Variants in MAP3K9 observed in about 807,000 individuals in gnomAD.
MAP3K9 encodes the protein mitogen-activated protein kinase kinase kinase 9.
Under a neutral mutation model 95.8 loss-of-function variants are expected in MAP3K9, and 46 were observed. That is an observed-to-expected ratio of 0.48 (90% CI 0.38 to 0.61). The LOEUF is 0.61. MAP3K9 is among the 20% of genes least tolerant of loss of function. The pLI is 0.00. For synonymous variants in MAP3K9, 533 were observed against 593.8 expected (o/e 0.90, Z 1.49); for missense variants, 1,296 against 1,474.3 (o/e 0.88, Z 1.98).
intron 1 of MAP3K9, among the ~76,000 whole-genome samples, chr14:70,808,484 A>T (rs778500353): frequency 1.1e-4 from 17 of 152,114 alleles, no homozygotes; most frequent in Non-Finnish European, 2.5e-4. Context: ...GCAAATTCTC[A>T]GACTGGGACT....
intron 5 of MAP3K9, among the ~76,000 whole-genome samples, chr14:70,747,237 T>C (rs1464218231): frequency 1.3e-5 from 2 of 152,354 alleles, no homozygotes; most frequent in South Asian, 2.1e-4. Flanking sequence ...CCATGGGTCA[T>C]GGGAGGGACC....
chr14:70,732,442 C>A (rs2053917798), intron 11 of MAP3K9, 97 bp downstream of exon 11: 2 of 1,464,180 alleles, frequency 1.4e-6, no homozygotes, highest in South Asian at 3.1e-5. Flanking sequence ...GGTGTTCACT[C>A]AAATCCCGAA....
chr14:70,746,185 G>A (rs1310832236), intron 5 of MAP3K9, among the ~76,000 whole-genome samples: 2 of 152,080 alleles, frequency 1.3e-5, no homozygotes, highest in Admixed American at 1.3e-4. Flanking sequence ...CTTGTCTAAG[G>A]GATGGTCTGG....
chr14:70,752,706 A>G (rs966143784), intron 3 of MAP3K9, among the ~76,000 whole-genome samples: 2 of 152,214 alleles, frequency 1.3e-5, no homozygotes, highest in Non-Finnish European at 1.5e-5. Context: ...AGACAAAGAC[A>G]GACGGTATCT....
At chr14:70,796,485 C>A (rs533177065) in intron 2 of MAP3K9, among the ~76,000 whole-genome samples, 4 of 152,288 alleles carry the variant, frequency 2.6e-5, no homozygotes, top group African/African-American at 7.2e-5. Flanking sequence ...CTGCTAGCTG[C>A]CAATTCCTTA....
intron 2 of MAP3K9, among the ~76,000 whole-genome samples, chr14:70,792,694 C>T (rs573285856): frequency 2.2e-4 from 34 of 152,294 alleles, no homozygotes; most frequent in African/African-American, 5.8e-4. Flanking sequence ...GCGTGCAGGA[C>T]GACACTAGAG....
rs532276257 is a variant in MAP3K9, at chr14:70,724,950, T to G, written c.*5430A>C. 6.6e-6 allele frequency: 1 copy of G among 152,362 alleles called. No homozygotes were observed. Among genetic ancestry groups the G allele is most frequent in the East Asian group, 1.9e-4 (1 of 5,178 alleles). 9.4% of individuals were successfully genotyped at this position (152,362 alleles called of 1,614,324 possible). A position where few individuals can be genotyped will look rare whatever the true frequency, so the allele number is the denominator to read the frequency against. On this transcript the variant is annotated 3_prime_UTR_variant, in exon 12 of 12. Coordinates refer to ENST00000554752, the MANE Select transcript of MAP3K9 (RefSeq NM_001284230.2). ...CACCTATCTCGATAGACACCTGTCATGTCCACATCTGCCAATCAGCCTAGT... is the reference window on the plus strand; with the variant it reads ...CACCTATCTCGATAGACACCTGTCAGGTCCACATCTGCCAATCAGCCTAGT...
Position 70,740,105 on chromosome 14 carries a change from T to C in MAP3K9, c.1627A>G (p.Ile543Val). 6.2e-7 allele frequency: 1 copy of C among 1,614,188 alleles called. No individual in the cohort carries two copies. The change falls in exon 7 of 12, where the codon ATC becomes GTC. Residue 543 changes from isoleucine (I) to valine (V), a missense_variant. Transcript: ENST00000554752. The part of the protein sequence containing the change: ...SPTMDKRKSL[I>V]NSRSSPPASP... ...GCAGGAGGACTGGAGCGGCTGTTGA[T>C]AAGACTCTTCCTTTTATCCATGGTA...
chr14:70,771,800 A>C, intron 2 of MAP3K9, among the ~76,000 whole-genome samples: 1 of 152,192 alleles, frequency 6.6e-6, no homozygotes, highest in East Asian at 1.9e-4. Flanking sequence ...GCCAGCCTTT[A>C]GGGCTCCTGA....
At chr14:70,773,108 C>A (rs1341636309) in intron 2 of MAP3K9, among the ~76,000 whole-genome samples, 4 of 152,208 alleles carry the variant, frequency 2.6e-5, no homozygotes, top group Non-Finnish European at 4.4e-5. Context: ...GTCAAAGATA[C>A]CTTTCAGTAA....
intron 2 of MAP3K9, among the ~76,000 whole-genome samples, chr14:70,796,301 G>A (rs183599076): frequency 7.2e-5 from 11 of 152,324 alleles, no homozygotes; most frequent in East Asian, 1.9e-4. Context: ...GTTTTAGGGC[G>A]TGATGCTTAA....
At position 70,728,677 on chromosome 14, in the gene MAP3K9, C is replaced by G. The variant is rs1227192053; in HGVS notation, c.*1703G>C. 6.6e-6 allele frequency: 1 copy of G among 152,218 alleles called. No individual in the cohort carries two copies. Among genetic ancestry groups the G allele is most frequent in the Admixed American group, 6.5e-5 (1 of 15,280 alleles). 9.4% of individuals were successfully genotyped at this position (152,218 alleles called of 1,614,324 possible). A position where few individuals can be genotyped will look rare whatever the true frequency, so the allele number is the denominator to read the frequency against. ...TTGGTGGGCCCCTTGAACCAAAGTG[C>G]TAATGGGCTCATAAAGCAAGGAACA... On this transcript the variant is annotated 3_prime_UTR_variant, in exon 12 of 12. Transcript: ENST00000554752.
chr14:70,795,318 A>AC (rs2054852688), intron 2 of MAP3K9, among the ~76,000 whole-genome samples: 4 of 144,920 alleles, frequency 2.8e-5, no homozygotes, highest in Admixed American at 2.1e-4. Context: ...TTATTTATTT[A>AC]TTTTTTTTGA....
At chr14:70,805,595 T>C (rs907885463) in intron 1 of MAP3K9, among the ~76,000 whole-genome samples, 2 of 152,242 alleles carry the variant, frequency 1.3e-5, no homozygotes, top group Non-Finnish European at 2.9e-5. Context: ...TTCTTTGTCA[T>C]AATATTTAGT....
intron 1 of MAP3K9, among the ~76,000 whole-genome samples, chr14:70,806,894 C>T (rs535998373): frequency 1.8e-3 from 279 of 152,286 alleles, no homozygotes; most frequent in African/African-American, 6.5e-3. Flanking sequence ...CATATTTCTT[C>T]CAATATATGA....
At position 70,723,639 on chromosome 14, in the gene MAP3K9, A is replaced by C. The variant is rs2139679467; in HGVS notation, c.*6741T>G. ...CAAGCAGATCAGCAACTTGCTTCCTAGCTGTGTGACCCTGGGCAAATTACA... is the reference window on the plus strand; with the variant it reads ...CAAGCAGATCAGCAACTTGCTTCCTCGCTGTGTGACCCTGGGCAAATTACA... On this transcript the variant is annotated 3_prime_UTR_variant, in exon 12 of 12. Transcript: ENST00000554752. 1 of 152,292 alleles carries C rather than the reference A, an allele frequency of 6.6e-6. No homozygotes were observed. The highest frequency in any genetic ancestry group is 2.4e-5 in the African/African-American group (1 of 41,572). 9.4% of individuals were successfully genotyped at this position (152,292 alleles called of 1,614,324 possible). A position where few individuals can be genotyped will look rare whatever the true frequency, so the allele number is the denominator to read the frequency against.
chr14:70,738,709 G>A (rs2054021233), intron 7 of MAP3K9, among the ~76,000 whole-genome samples: 1 of 152,150 alleles, frequency 6.6e-6, no homozygotes, highest in Non-Finnish European at 1.5e-5. Flanking sequence ...TTTGTTGGGT[G>A]GGATTGGGTA....
intron 2 of MAP3K9, among the ~76,000 whole-genome samples, chr14:70,790,460 ACGTGCCCAAGGCCACCCGGC>A (rs1271709029): frequency 2.6e-5 from 4 of 152,354 alleles, no homozygotes; most frequent in African/African-American, 4.8e-5. Context: ...GAGATCACAG[ACGTGCCCAAGGCCACCCGGC>A]CAGTCAGTGT....
chr14:70,732,772 G>A lies in MAP3K9; in HGVS notation c.2597C>T (p.Pro866Leu), dbSNP rs1195984670. ...EIVVYEMPVS[P>L]VEAPPLSPCT... ...TGGACTCAGGGGAGGGGCCTCGACT[G>A]GGCTGACTGGCATCTCATACACGAC... Residue 866 changes from proline (P) to leucine (L), a missense_variant, in exon 11 of 12, where the codon CCA becomes CTA. Physicochemically the swap from Pro to Leu is moderately conservative, Grantham distance 98. Coordinates refer to ENST00000554752, the MANE Select transcript of MAP3K9 (RefSeq NM_001284230.2). The A allele has an allele frequency of 1.9e-6, 3 of 1,613,368 alleles. No individual in the cohort carries two copies. The highest frequency in any genetic ancestry group is 1.3e-5 in the African/African-American group (1 of 74,882).
Sources: gnomAD v4.1 joint callset for allele counts (sites outside exome capture counted in the v4.1 genomes callset) on GRCh38, gnomAD v4.1.1 for gene constraint, MANE v1.5 for transcripts, NCBI Gene and HGNC (gene_info 2026-07-23, HGNC 2026-07-21) for gene names.